The following OSBPL10 variants were observed in gnomAD, a reference collection of about 807,000 sequenced individuals.
The protein encoded by OSBPL10 is oxysterol-binding protein-related protein 10.
Under a neutral mutation model 81.7 loss-of-function variants are expected in OSBPL10, and 49 were observed. The observed-to-expected ratio is 0.60, with a 90% CI of 0.48 to 0.76. The LOEUF (loss-of-function observed/expected upper bound fraction) is 0.76, where lower values mean the gene tolerates loss of function less well. OSBPL10 is among the 30% of genes least tolerant of loss of function. OSBPL10 has a pLI of 0.00. For synonymous variants in OSBPL10, 419 were observed against 383.6 expected (o/e 1.09, Z -1.08); for missense variants, 923 against 987.8 (o/e 0.93, Z 0.88).
chr3:31,876,401 G>A (rs1404598309), intron 3 of OSBPL10, 32 bp downstream of exon 3: 5 of 1,551,632 alleles, frequency 3.2e-6, no homozygotes, highest in Non-Finnish European at 4.5e-6. Flanking sequence ...CTGGTTATTC[G>A]AATGCCTCCT....
intron 1 of OSBPL10, among the ~76,000 whole-genome samples, chr3:31,908,373 T>G (rs1359514968): frequency 6.6e-6 from 1 of 152,218 alleles, no homozygotes; most frequent in Non-Finnish European, 1.5e-5. Context: ...TATAATTGTC[T>G]AGGCAGAGAT....
chr3:31,916,701 G>C (rs972130325), intron 1 of OSBPL10, among the ~76,000 whole-genome samples: 1 of 152,082 alleles, frequency 6.6e-6, no homozygotes, highest in Non-Finnish European at 1.5e-5. Flanking sequence ...ACCTTTCCCT[G>C]ATAACATAAA....
chr3:31,912,482 A>T (rs997698835), intron 1 of OSBPL10, among the ~76,000 whole-genome samples: 2 of 152,128 alleles, frequency 1.3e-5, no homozygotes, highest in African/African-American at 4.8e-5. Flanking sequence ...CTGGTTATTG[A>T]GAAGTTCCAA....
chr3:31,977,612 A>G (rs1288817535), intron 1 of OSBPL10, among the ~76,000 whole-genome samples: 1 of 152,206 alleles, frequency 6.6e-6, no homozygotes, highest in Non-Finnish European at 1.5e-5. Flanking sequence ...GACAATGTGA[A>G]TAGCAGTAAA....
chr3:31,771,344 CACTA>C (rs779998984), intron 4 of OSBPL10, among the ~76,000 whole-genome samples: 10 of 152,280 alleles, frequency 6.6e-5, no homozygotes, highest in Non-Finnish European at 1.2e-4. Context: ...ACTGTTTCAG[CACTA>C]ACTGAGTGGG....
intron 1 of OSBPL10, among the ~76,000 whole-genome samples, chr3:31,913,001 C>CAT (rs1696633069): frequency 6.6e-6 from 1 of 152,182 alleles, no homozygotes; most frequent in Non-Finnish European, 1.5e-5. Flanking sequence ...TGTGTTTGTA[C>CAT]ATACACACAC....
chr3:31,819,252 C>T (rs1013688281), intron 4 of OSBPL10, among the ~76,000 whole-genome samples: 1 of 152,226 alleles, frequency 6.6e-6, no homozygotes, highest in Non-Finnish European at 1.5e-5. Context: ...GTGACGATGG[C>T]AGCTTTGAGG....
rs1432217472 is a variant in OSBPL10, at chr3:32,063,008, C to A, written n.185+14388G>T. On this transcript the variant is annotated intron_variant and non_coding_transcript_variant, in intron 1 of 3. Coordinates refer to the OSBPL10 transcript ENST00000479173. ...TATCTTGGATAACGTCAATCCACAG[C>A]AGTTTAGGTACTGAAAATATTTATG... Among the ~76,000 whole-genome samples, 5 of 93,436 alleles carry A rather than the reference C, an allele frequency of 5.4e-5. 2 individuals are homozygous for A. Among genetic ancestry groups the A allele is most frequent in the African/African-American group, 1.4e-4 (5 of 36,254 alleles). The allele number at this position is 93,436 out of a possible 152,430, so 61.3% of individuals were successfully genotyped here. A position where few individuals can be genotyped will look rare whatever the true frequency, so the allele number is the denominator to read the frequency against.
chr3:32,048,882 C>T (rs1559554950), intron 1 of OSBPL10, among the ~76,000 whole-genome samples: 1 of 152,144 alleles, frequency 6.6e-6, no homozygotes, highest in Non-Finnish European at 1.5e-5. Context: ...CCAAAACCCA[C>T]CAAAAACAAC....
chr3:31,809,867 C>A (rs1421675616), intron 4 of OSBPL10, among the ~76,000 whole-genome samples: 1 of 83,456 alleles, frequency 1.2e-5, no homozygotes, highest in Non-Finnish European at 2.1e-5. Context: ...TGCCCCCTGA[C>A]TCTTTTTTTT....
chr3:31,879,909 C>G (rs1695509404), intron 1 of OSBPL10, 79 bp from the exon 2 acceptor site: 2 of 1,416,342 alleles, frequency 1.4e-6, no homozygotes, highest in Non-Finnish European at 1.9e-6. Flanking sequence ...GCAAAGTGAT[C>G]CAGAAGTCAA....
chr3:31,789,913 ATAC>A (rs1238773278), intron 4 of OSBPL10, among the ~76,000 whole-genome samples: 8 of 152,076 alleles, frequency 5.3e-5, no homozygotes, highest in Admixed American at 5.2e-4. Flanking sequence ...CCACATTTAT[ATAC>A]TACTTTGATG....
rs1353290786 is a variant in OSBPL10, at chr3:31,965,688, TAAAATATATAATATATTATATA to T, written c.281+15189_281+15210del. On this transcript the variant is annotated intron_variant, in intron 1 of 11. Transcript: ENST00000396556. ...TATATTTTATATAATATATATTATA[TAAAATATATAATATATTATATA>T]AAATATATAATATAATATATATTAT... is the stretch of plus-strand genomic sequence containing the variant. Among the ~76,000 whole-genome samples, 44 of 40,710 alleles carry T rather than the reference TAAAATATATAATATATTATATA, an allele frequency of 1.1e-3. 2 individuals carry two copies. Among genetic ancestry groups the T allele is most frequent in the African/African-American group, 7.2e-3 (40 of 5,572 alleles). 26.7% of individuals were successfully genotyped at this position (40,710 alleles called of 152,430 possible).
At position 31,809,037 on chromosome 3, in the gene OSBPL10, AAAGT is replaced by A. The variant is rs201252356; in HGVS notation, c.729+20999_729+21002del. Among the ~76,000 whole-genome samples, 925 of 152,342 alleles carry A rather than the reference AAAGT, an allele frequency of 6.1e-3. 7 individuals are homozygous for A. The highest frequency in any genetic ancestry group is 0.021 in the African/African-American group (883 of 41,578). ...TAAGGTAAACAAAGCATTTTCAGCA[AAAGT>A]AAGACTAAGCCAAGAATAATCACAA... On this transcript the variant is annotated intron_variant, in intron 4 of 11. Coordinates refer to ENST00000396556, the MANE Select transcript of OSBPL10 (RefSeq NM_017784.5).
intron 9 of OSBPL10, among the ~76,000 whole-genome samples, chr3:31,669,572 C>G (rs1251629316): frequency 6.6e-6 from 1 of 152,194 alleles, no homozygotes; most frequent in Non-Finnish European, 1.5e-5. Context: ...GCTTCCTACT[C>G]ACAGTAGTGG....
chr3:31,807,537 C>T (rs1699551849), intron 4 of OSBPL10, among the ~76,000 whole-genome samples: 1 of 148,612 alleles, frequency 6.7e-6, no homozygotes, highest in South Asian at 2.1e-4. Flanking sequence ...GAGGCCAAGG[C>T]TGGTTTATCA....
At chr3:31,812,620 A>G (rs747478104) in intron 4 of OSBPL10, among the ~76,000 whole-genome samples, 1 of 151,864 alleles carries the variant, frequency 6.6e-6, no homozygotes, top group Non-Finnish European at 1.5e-5. Context: ...TTTTTCTGTC[A>G]GTGAGAAATC....
At chr3:31,978,158 G>A (rs1698735875) in intron 1 of OSBPL10, among the ~76,000 whole-genome samples, 2 of 152,178 alleles carry the variant, frequency 1.3e-5, no homozygotes, top group Non-Finnish European at 2.9e-5. Context: ...GGGAGCTGGT[G>A]AAGAGCACTA....
chr3:32,042,099 G>A (rs961741536), intron 2 of OSBPL10, among the ~76,000 whole-genome samples: 1 of 152,214 alleles, frequency 6.6e-6, no homozygotes, highest in Non-Finnish European at 1.5e-5. Flanking sequence ...CCCGTGGAGA[G>A]ACCATAGGTA....
Sources: gnomAD v4.1 joint callset for allele counts (sites outside exome capture counted in the v4.1 genomes callset) on GRCh38, gnomAD v4.1.1 for gene constraint, MANE v1.5 for transcripts, NCBI Gene and HGNC (gene_info 2026-07-23, HGNC 2026-07-21) for gene names.